Variants in PDGFD observed in about 807,000 individuals in gnomAD.
PDGFD encodes the protein platelet-derived growth factor D.
Under a neutral mutation model 44.7 loss-of-function variants are expected in PDGFD, and 30 were observed. The ratio of observed to expected loss-of-function variants is 0.67; its 90% CI spans 0.50 to 0.91. The LOEUF is 0.91. Ranked by LOEUF, PDGFD falls within the 40% of genes least tolerant of loss-of-function variation. The probability of loss-of-function intolerance (pLI) is 0.00; values close to 1 mark genes in which losing one functional copy is unlikely to be tolerated. For synonymous variants in PDGFD, 173 were observed against 168.4 expected, an observed-to-expected ratio of 1.03 and a Z score of -0.21; for missense variants, 445 against 457.8, an observed-to-expected ratio of 0.97 and a Z score of 0.25.
chr11:103,942,435 G>C (rs1301957483), intron 5 of PDGFD, among the ~76,000 whole-genome samples: 1 of 151,870 alleles, frequency 6.6e-6, no homozygotes, highest in East Asian at 1.9e-4. Flanking sequence ...TGTAAGACCT[G>C]GATATTTATT....
intron 1 of PDGFD, among the ~76,000 whole-genome samples, chr11:104,080,128 A>G (rs1348910513): frequency 6.6e-6 from 1 of 151,454 alleles, no homozygotes; most frequent in Non-Finnish European, 1.5e-5. Context: ...TCCTCTACAG[A>G]GAGAAAAAAG....
chr11:103,957,427 G>T (rs1041787783), intron 3 of PDGFD, among the ~76,000 whole-genome samples: 24 of 152,108 alleles, frequency 1.6e-4, no homozygotes, highest in Non-Finnish European at 2.9e-4. Flanking sequence ...TAAGCCAAAA[G>T]AACAAAGCTG....
At chr11:104,055,599 A>G (rs532700200) in intron 1 of PDGFD, among the ~76,000 whole-genome samples, 21 of 152,230 alleles carry the variant, frequency 1.4e-4, no homozygotes, top group Admixed American at 9.2e-4. Context: ...ATAAATCATA[A>G]CTCTATTATT....
At chr11:103,919,791 G>C (rs1382790409) in intron 6 of PDGFD, among the ~76,000 whole-genome samples, 2 of 151,972 alleles carry the variant, frequency 1.3e-5, no homozygotes, top group Non-Finnish European at 2.9e-5. Flanking sequence ...TTACAGGCAT[G>C]AGCCACTGCG....
At chr11:104,085,660 T>A (rs986918382) in intron 1 of PDGFD, among the ~76,000 whole-genome samples, 1 of 152,176 alleles carries the variant, frequency 6.6e-6, no homozygotes, top group Non-Finnish European at 1.5e-5. Flanking sequence ...AAAATACTGA[T>A]ATTTTCAAAA....
At chr11:104,013,108 A>T (rs1216390621) in intron 1 of PDGFD, among the ~76,000 whole-genome samples, 2 of 152,198 alleles carry the variant, frequency 1.3e-5, no homozygotes, top group African/African-American at 4.8e-5. Flanking sequence ...GAGAAAAAAC[A>T]AGTGTCTGAA....
chr11:104,008,889 T>C (rs992757909), intron 1 of PDGFD, among the ~76,000 whole-genome samples: 2 of 151,940 alleles, frequency 1.3e-5, no homozygotes, highest in African/African-American at 4.8e-5. Flanking sequence ...ATATTATATA[T>C]GCATATTATA....
intron 1 of PDGFD, among the ~76,000 whole-genome samples, chr11:104,126,782 A>G (rs897633675): frequency 4.6e-5 from 7 of 152,092 alleles, no homozygotes; most frequent in Non-Finnish European, 1.0e-4. Flanking sequence ...TTTCTTTCCT[A>G]TATAGCAGCA....
At chr11:104,119,809 TATAA>T (rs1214179741) in intron 1 of PDGFD, among the ~76,000 whole-genome samples, 4 of 117,614 alleles carry the variant, frequency 3.4e-5, no homozygotes, top group African/African-American at 1.0e-4. Context: ...TTATATATAA[TATAA>T]ATAATTATGT....
At chr11:103,911,260 G>T (rs541179538) in intron 6 of PDGFD, among the ~76,000 whole-genome samples, 1 of 152,238 alleles carries the variant, frequency 6.6e-6, no homozygotes, top group Non-Finnish European at 1.5e-5. Flanking sequence ...TCCTCAAGTG[G>T]GTCCCTGACC....
At chr11:104,155,807 A>G (rs527513830) in intron 1 of PDGFD, among the ~76,000 whole-genome samples, 86 of 152,348 alleles carry the variant, frequency 5.6e-4, no homozygotes, top group South Asian at 5.6e-3. Flanking sequence ...AAATGTTTCA[A>G]TGAAATGCAG....
At chr11:104,090,263 T>C (rs959875435) in intron 1 of PDGFD, among the ~76,000 whole-genome samples, 2 of 151,994 alleles carry the variant, frequency 1.3e-5, no homozygotes, top group African/African-American at 4.8e-5. Context: ...TCCAAGCCTA[T>C]ACAAAACTTC....
At chr11:104,148,998 T>C (rs1014612293) in intron 1 of PDGFD, among the ~76,000 whole-genome samples, 1 of 152,292 alleles carries the variant, frequency 6.6e-6, no homozygotes, top group East Asian at 1.9e-4. Context: ...TTTACTTTTT[T>C]ATGTGGTTAC....
At chr11:103,959,155 T>A (rs1858899490) in intron 3 of PDGFD, among the ~76,000 whole-genome samples, 1 of 152,206 alleles carries the variant, frequency 6.6e-6, no homozygotes, top group Admixed American at 6.5e-5. Flanking sequence ...GGGTATTTCC[T>A]AGTGAGGTGA....
At chr11:103,994,284 C>T (rs1859502207) in intron 3 of PDGFD, among the ~76,000 whole-genome samples, 1 of 152,180 alleles carries the variant, frequency 6.6e-6, no homozygotes, top group Admixed American at 6.6e-5. Context: ...TAAGCCTATC[C>T]ATCACCATTC....
intron 3 of PDGFD, among the ~76,000 whole-genome samples, chr11:103,951,689 G>C (rs928012610): frequency 2.0e-5 from 3 of 152,058 alleles, no homozygotes; most frequent in Non-Finnish European, 4.4e-5. Flanking sequence ...TCCCTGCCTG[G>C]ATGCACTTTC....
In PDGFD at chr11:104,164,011, C is replaced by A; in HGVS notation, c.-84G>T. ...GACCGACGCCGCGCCGCCCTGCGCTCTCGCCGCCTGCGCTCGCCCTGCGCT... is the reference window on the plus strand; with the variant it reads ...GACCGACGCCGCGCCGCCCTGCGCTATCGCCGCCTGCGCTCGCCCTGCGCT... On this transcript the variant is annotated 5_prime_UTR_variant, in exon 1 of 7. Transcript: ENST00000393158. 1 of 1,404,166 alleles carries A rather than the reference C, an allele frequency of 7.1e-7. No individual in the cohort carries two copies. The highest frequency in any genetic ancestry group is 1.7e-5 in the South Asian group (1 of 58,654). The allele number at this position is 1,404,166 out of a possible 1,614,324, so 87.0% of individuals were successfully genotyped here.
At chr11:104,093,798 G>C (rs1038985317) in intron 1 of PDGFD, among the ~76,000 whole-genome samples, 1 of 149,534 alleles carries the variant, frequency 6.7e-6, no homozygotes, top group Admixed American at 6.8e-5. Context: ...CCATTCCCTC[G>C]CATGCTTCTG....
chr11:103,969,943 T>C (rs112484587), intron 3 of PDGFD, among the ~76,000 whole-genome samples: 210 of 152,106 alleles, frequency 1.4e-3, no homozygotes, highest in African/African-American at 4.7e-3. Flanking sequence ...TTTAAAACAA[T>C]ACAGAGTTTC....
Sources: gnomAD v4.1 joint callset for allele counts (sites outside exome capture counted in the v4.1 genomes callset) on GRCh38, gnomAD v4.1.1 for gene constraint, MANE v1.5 for transcripts, NCBI Gene and HGNC (gene_info 2026-07-23, HGNC 2026-07-21) for gene names.